Variants in FTSJ3 observed in about 807,000 individuals in gnomAD.
The protein encoded by FTSJ3 is FtsJ RNA 2'-O-methyltransferase 3.
A neutral mutation model predicts 111.5 loss-of-function variants in FTSJ3; 46 were observed. The ratio of observed to expected loss-of-function variants is 0.41; its 90% CI spans 0.33 to 0.53. FTSJ3 has a LOEUF of 0.53. Ranked by LOEUF, FTSJ3 falls within the 20% of genes least tolerant of loss-of-function variation. The pLI, the probability that FTSJ3 is intolerant of heterozygous loss-of-function variation, is 0.19. For missense variants in FTSJ3, 1,075 were observed against 1,063.8 expected (o/e 1.01, Z -0.15); for synonymous variants, 408 against 383.0 (o/e 1.07, Z -0.76).
rs765544044 is a variant in FTSJ3, at chr17:63,820,116, C to G, written c.2314G>C (p.Asp772His). Residue 772 changes from aspartate to histidine, a missense_variant, in exon 20 of 21, where the codon GAC (aspartate) becomes CAC (histidine). Coordinates refer to ENST00000427159, the MANE Select transcript of FTSJ3 (RefSeq NM_017647.4). ...KKAEAVVNTV[D>H]ISEREKVAQL... ...GCCACTTTCTCTCGTTCTGAGATGT[C>G]CACTGTGTTCACCACGGCTTCTGCC... The G allele has an allele frequency of 1.2e-6, 2 of 1,614,136 alleles. No individual in the cohort carries two copies. The highest frequency in any genetic ancestry group is 1.7e-6 in the Non-Finnish European group (2 of 1,180,028).
Position 63,821,704 on chromosome 17 carries a change from G to GC in FTSJ3, c.1596+18dup. On this transcript the variant is annotated intron_variant, in intron 15 of 20. Transcript: ENST00000427159. ...GGAAGACTCATCTCCCCGCAGTCTT[G>GC]CCCCCGGCCTCTCCTTACCTTTGAG... is the stretch of plus-strand genomic sequence containing the variant. The GC allele has an allele frequency of 6.2e-7, 1 of 1,614,160 alleles. No homozygotes were observed. The highest frequency in any genetic ancestry group is 8.5e-7 in the Non-Finnish European group (1 of 1,180,036).
chr17:63,822,246 C>T (rs1005946830), intron 13 of FTSJ3, 78 bp from the exon 14 acceptor site: 4 of 1,213,238 alleles, frequency 3.3e-6, no homozygotes, highest in Non-Finnish European at 4.7e-6. Flanking sequence ...TCACCTCAGT[C>T]TATGCTCAGC....
Position 63,821,735 on chromosome 17 carries a change from C to G in FTSJ3, c.1584G>C (p.Leu528=), listed in dbSNP as rs1346248259. Residue 528 remains leucine, a synonymous_variant, in exon 15 of 21, where the codon CTG becomes CTC. Transcript: ENST00000427159. ...GGCCTCTCCTTACCTTTGAGAACCA[C>G]AGGTTGGCTTGTTCTTCCTGCAGTA... The part of the protein sequence containing the change: ...KAVLQEEQAN[L]WFSKGSFAGI... 3.1e-6 allele frequency: 5 copies of G among 1,614,078 alleles called. No homozygotes were observed. The highest frequency in any genetic ancestry group is 1.6e-4 in the Middle Eastern group (1 of 6,084).
At chr17:63,824,289 G>A (rs766317491) in intron 11 of FTSJ3, 42 bp downstream of exon 11, 3 of 1,613,990 alleles carry the variant, frequency 1.9e-6, no homozygotes, top group South Asian at 2.2e-5. Context: ...CTTTTCCCCT[G>A]GACACCCAGT....
chr17:63,821,111 C>T lies in FTSJ3; in HGVS notation c.1891G>A (p.Glu631Lys), dbSNP rs369847580. The stretch of plus-strand genomic sequence containing the variant: ...CTTCGCTTCTTACCACGGAGGGGTT[C>T]CCAGCTGTGAAGAGGGGAGGACTCT... The part of the protein sequence containing the change: ...STSSEEEESW[E>K]PLRGKKRSRG... The change falls in exon 17 of 21, where the codon GAA (glutamate) becomes AAA (lysine). Residue 631 changes from glutamate to lysine, a missense_variant. Around this residue, in one of 2 missense-constraint regions of FTSJ3, gnomAD observed 867 missense variants for 796.9 expected, o/e 1.09. Coordinates refer to ENST00000427159, the MANE Select transcript of FTSJ3 (RefSeq NM_017647.4). The T allele has an allele frequency of 1.2e-6, 2 of 1,613,926 alleles. No individual in the cohort carries two copies. The highest frequency in any genetic ancestry group is 1.3e-5 in the African/African-American group (1 of 74,908).
chr17:63,821,292 T>G, intron 16 of FTSJ3, 62 bp downstream of exon 16: 1 of 1,549,736 alleles, frequency 6.5e-7, no homozygotes, highest in Non-Finnish European at 8.7e-7. Context: ...AACCCCCAAT[T>G]TAGAGAAATG....
At chr17:63,820,496 C>A in intron 18 of FTSJ3, 58 bp from the exon 19 acceptor site, 1 of 1,557,844 alleles carries the variant, frequency 6.4e-7, no homozygotes, top group Non-Finnish European at 8.8e-7. Context: ...AAAGAAATTA[C>A]CAGACTGGGC....
rs539873045 is a variant in FTSJ3 at position 63,819,569 on chromosome 17, C to T, written c.*233G>A. ...CCCTTTAACGGTTTAAAAAAAGGGT[C>T]ATGAGTGTCAACACAGTTCAGCAGT... On this transcript the variant is annotated 3_prime_UTR_variant, in exon 21 of 21. Transcript: ENST00000427159. 1 of 498,314 alleles carries T rather than the reference C, an allele frequency of 2.0e-6. No homozygotes were observed. Among genetic ancestry groups the T allele is most frequent in the African/African-American group, 1.9e-5 (1 of 52,554 alleles). 30.9% of individuals were successfully genotyped at this position (498,314 alleles called of 1,614,324 possible). A position where few individuals can be genotyped will look rare whatever the true frequency, so the allele number is the denominator to read the frequency against.
rs117468525 is a variant in FTSJ3, at chr17:63,825,951, G to A, written c.300+105C>T. On this transcript the variant is annotated intron_variant, in intron 5 of 20. Transcript: ENST00000427159. ...GTCTTGTCGTACAGATGTCAGGCAA[G>A]AACGTGCTCAAAGCACGGTAAAAAG... 7,028 of 903,724 alleles carry A rather than the reference G, an allele frequency of 7.8e-3. 55 individuals are homozygous for A. The highest frequency in any genetic ancestry group is 0.026 in the East Asian group (1,060 of 41,566). 56.0% of individuals were successfully genotyped at this position (903,724 alleles called of 1,614,324 possible).
rs753414032 is a variant in FTSJ3, at chr17:63,824,396, C to A, written c.933G>T (p.Trp311Cys). 6.2e-7 allele frequency: 1 copy of A among 1,614,152 alleles called. No individual in the cohort carries two copies. The highest frequency in any genetic ancestry group is 8.5e-7 in the Non-Finnish European group (1 of 1,180,028). The change falls in exon 11 of 21, where the codon TGG (tryptophan) becomes TGT (cysteine). Residue 311 changes from tryptophan (W) to cysteine (C), a missense_variant. Around this residue, in one of 2 missense-constraint regions of FTSJ3, gnomAD observed 867 missense variants for 796.9 expected, o/e 1.09. Transcript: ENST00000427159. ...GRKELRSLLN[W>C]RTKLRRYVAK... ...CCACATATCGCCGAAGTTTTGTTCT[C>A]CAGTTTAGTAGCGACCTGCCCCAGA...
In FTSJ3 at chr17:63,823,582, A is replaced by G. The variant is rs147079190; in HGVS notation, c.1290+235T>C. The G allele has an allele frequency of 2.9e-3, 1,317 of 455,888 alleles. 20 individuals are homozygous for G. Among genetic ancestry groups the G allele is most frequent in the Admixed American group, 0.015 (369 of 24,438 alleles). 28.2% of individuals were successfully genotyped at this position (455,888 alleles called of 1,614,324 possible). On this transcript the variant is annotated intron_variant, in intron 13 of 20. Coordinates refer to ENST00000427159, the MANE Select transcript of FTSJ3 (RefSeq NM_017647.4). ...TGCACTCCAGCCTGGGCAACAGAGC[A>G]AGACTCCGTCTCAAAAAAAAAAAAA...
chr17:63,825,066 A>G lies in FTSJ3; in HGVS notation c.693T>C (p.Val231=). The change falls in exon 8 of 21, where the codon GTT becomes GTC. Residue 231 remains valine (V), a synonymous_variant. Coordinates refer to ENST00000427159, the MANE Select transcript of FTSJ3 (RefSeq NM_017647.4). The part of the protein sequence containing the change: ...EVQAKTVTEL[V]TKKKPKAEGY... The stretch of plus-strand genomic sequence containing the variant: ...AACACACCTTTGGCTTCTTCTTAGT[A>G]ACCAATTCAGTAACGGTCTTAGCCT... The G allele has an allele frequency of 3.7e-6, 6 of 1,614,134 alleles. No homozygotes were observed. The highest frequency in any genetic ancestry group is 5.1e-6 in the Non-Finnish European group (6 of 1,179,952).
rs756313694 is a variant in FTSJ3, at chr17:63,824,628, A to T, written c.917+9T>A. 3.7e-6 allele frequency: 6 copies of T among 1,607,992 alleles called. No individual in the cohort carries two copies. In the Admixed American group the frequency reaches 8.3e-5, roughly 22 times the overall value. ...GGCTCCTGGCCCCCGTGCCTACCCC[A>T]CTCCATACCTGAGCTCCTTGCGCCC... On this transcript the variant is annotated intron_variant, in intron 10 of 20. Transcript: ENST00000427159.
In FTSJ3 at chr17:63,821,825, C is replaced by T. The variant is rs763249369; in HGVS notation, c.1494G>A (p.Val498=). The change falls in exon 15 of 21, where the codon GTG becomes GTA. Residue 498 remains valine (V), a synonymous_variant. Transcript: ENST00000427159. The part of the protein sequence containing the change: ...RDQKRMRLTE[V]QDDKEEEEEE... The stretch of plus-strand genomic sequence containing the variant: ...CCTCCTCCTCCTCTTTATCATCTTG[C>T]ACTTCAGTAAGTCGCATACTGTAGA... 4 of 1,614,114 alleles carry T rather than the reference C, an allele frequency of 2.5e-6. No homozygotes were observed. The African/African-American group carries it at 4.0e-5, about 16-fold the overall frequency.
rs116030139 is a variant in FTSJ3, at chr17:63,826,209, C to T, written c.220+49G>A. The stretch of plus-strand genomic sequence containing the variant: ...AGGAGAGAAATACAGGACAAAATAC[C>T]TTATACACCCACCCCTTAAAACACC... On this transcript the variant is annotated intron_variant, in intron 4 of 20. Coordinates refer to ENST00000427159, the MANE Select transcript of FTSJ3 (RefSeq NM_017647.4). 569 of 1,609,364 alleles carry T rather than the reference C, an allele frequency of 3.5e-4. No homozygotes were observed. In the African/African-American group the frequency reaches 6.7e-3, roughly 19 times the overall value.
rs749932773 is a variant in FTSJ3, at chr17:63,820,937, C to T, written c.1974G>A (p.Ala658=). ...CTTCGGGGTCCAGTATCCGATGTTT[C>T]GCTAGAGAGGGAAGGAGAAAGGTCA... ...GFEIVPIEDP[A]KHRILDPEGL... is the part of the protein sequence containing the mutation. Residue 658 remains alanine, a splice_region_variant and synonymous_variant, in exon 18 of 21, where the codon GCG becomes GCA. Transcript: ENST00000427159. 4.2e-5 allele frequency: 67 copies of T among 1,613,856 alleles called. No homozygotes were observed. Among genetic ancestry groups the T allele is most frequent in the African/African-American group, 1.1e-4 (8 of 74,904 alleles).
rs758351662 is a variant in FTSJ3, at chr17:63,823,820, G to A, written c.1287C>T (p.His429=). The A allele has an allele frequency of 1.1e-5, 17 of 1,613,910 alleles. No homozygotes were observed. The highest frequency in any genetic ancestry group is 1.4e-5 in the Non-Finnish European group (17 of 1,179,948). Reference sequence around the variant, plus strand: ...TGCACCCCCAATGCCGCCTCACCTGGTGACCCCGGATGGTGCTCAAGGAGA... The same window carrying A: ...TGCACCCCCAATGCCGCCTCACCTGATGACCCCGGATGGTGCTCAAGGAGA... The part of the protein sequence containing the change: ...GMFSLSTIRG[H]QLLEEVTQGD... Residue 429 remains histidine, a synonymous_variant, in exon 13 of 21, where the codon CAC becomes CAT. Coordinates refer to ENST00000427159, the MANE Select transcript of FTSJ3 (RefSeq NM_017647.4).
In FTSJ3 at chr17:63,825,646, G is replaced by A. The variant is rs759855816; in HGVS notation, c.301-11C>T. ...CTCCTTCCTCAGGGCCTAAAGAGAA[G>A]AAAAGGAACTATGGAAACAGAAACA... On this transcript the variant is annotated splice_polypyrimidine_tract_variant and intron_variant, in intron 5 of 20. Transcript: ENST00000427159. The A allele has an allele frequency of 5.0e-6, 8 of 1,609,048 alleles. No homozygotes were observed. The highest frequency in any genetic ancestry group is 6.8e-6 in the Non-Finnish European group (8 of 1,175,958).
At chr17:63,821,193 T>G in intron 16 of FTSJ3, 78 bp from the exon 17 acceptor site, 1 of 1,561,296 alleles carries the variant, frequency 6.4e-7, no homozygotes, top group Non-Finnish European at 8.8e-7. Context: ...TTTGCAAAAA[T>G]CCTGCCATGC....
Sources: allele counts gnomAD v4.1 joint callset, GRCh38; gene constraint gnomAD v4.1.1; regional missense constraint gnomAD v4.1.1; transcripts MANE v1.5; gene names NCBI Gene and HGNC (gene_info 2026-07-23, HGNC 2026-07-21).